The following CEP126 variants were observed in gnomAD, a reference collection of about 807,000 sequenced individuals.
CEP126 encodes the protein centrosomal protein of 126 kDa.
A neutral mutation model predicts 107.8 loss-of-function variants in CEP126; 74 were observed. That is an observed-to-expected ratio of 0.69 (90% CI 0.57 to 0.83). The LOEUF (loss-of-function observed/expected upper bound fraction) is 0.83, where lower values mean the gene tolerates loss of function less well. CEP126 is among the 40% of genes least tolerant of loss of function. The probability of loss-of-function intolerance (pLI) is 0.00; values close to 1 mark genes in which losing one functional copy is unlikely to be tolerated. For synonymous variants in CEP126, 449 were observed against 446.0 expected (o/e 1.01, Z -0.08); for missense variants, 1,237 against 1,281.9 (o/e 0.96, Z 0.53).
At position 101,995,993 on chromosome 11, in the gene CEP126, AAAG is replaced by A. The variant is rs1209406476; in HGVS notation, c.3310-1599_3310-1597del. Among the ~76,000 whole-genome samples, 5 of 152,346 alleles carry A rather than the reference AAAG, an allele frequency of 3.3e-5. No homozygotes were observed. The East Asian group carries it at 7.7e-4, about 24-fold the overall frequency. ...TTCTCAGTTAGAAATTTTGGCCACAAAAGAAGAAGGCAGAAGTGGTCAGAAGCC... is the reference window on the plus strand; with the variant it reads ...TTCTCAGTTAGAAATTTTGGCCACAAAAGAAGGCAGAAGTGGTCAGAAGCC... On this transcript the variant is annotated intron_variant, in intron 10 of 10. Coordinates refer to ENST00000263468, the MANE Select transcript of CEP126 (RefSeq NM_020802.4).
chr11:101,935,100 G>A (rs951302678), intron 2 of CEP126, among the ~76,000 whole-genome samples: 3 of 151,778 alleles, frequency 2.0e-5, no homozygotes, highest in African/African-American at 7.3e-5. Flanking sequence ...AATAAATTGA[G>A]TTTAGTTTTC....
intron 1 of CEP126, among the ~76,000 whole-genome samples, chr11:101,917,738 C>A (rs1940248963): frequency 6.6e-6 from 1 of 152,050 alleles, no homozygotes; most frequent in African/African-American, 2.4e-5. Context: ...CCAGTTTATA[C>A]CCTATTCTTA....
intron 10 of CEP126, among the ~76,000 whole-genome samples, chr11:101,995,664 T>C (rs558741687): frequency 6.6e-6 from 1 of 152,328 alleles, no homozygotes; most frequent in African/African-American, 2.4e-5. Flanking sequence ...CCATTGACAG[T>C]ACTGGACATA....
intron 1 of CEP126, among the ~76,000 whole-genome samples, chr11:101,916,782 A>AT (rs1452601184): frequency 6.6e-6 from 1 of 152,130 alleles, no homozygotes; most frequent in Non-Finnish European, 1.5e-5. Context: ...TGTAGGCCTC[A>AT]TTTTTTAAAT....
At chr11:101,973,703 AG>A (rs1416626506) in intron 6 of CEP126, among the ~76,000 whole-genome samples, 1 of 152,238 alleles carries the variant, frequency 6.6e-6, no homozygotes, top group Non-Finnish European at 1.5e-5. Context: ...TTTAATAAAA[AG>A]GCATAGAAAA....
At chr11:101,972,420 C>T (rs1206217341) in intron 6 of CEP126, among the ~76,000 whole-genome samples, 2 of 151,632 alleles carry the variant, frequency 1.3e-5, no homozygotes, top group Non-Finnish European at 2.9e-5. Flanking sequence ...AGCGAGACTC[C>T]GTCTCAAAAA....
intron 1 of CEP126, among the ~76,000 whole-genome samples, chr11:101,921,548 A>G (rs1298344649): frequency 6.6e-6 from 1 of 151,698 alleles, no homozygotes; most frequent in East Asian, 2.0e-4. Context: ...CTCTACTGAC[A>G]ATACAAAAAT....
chr11:101,980,480 A>C (rs1343046931), intron 7 of CEP126, among the ~76,000 whole-genome samples: 1 of 152,090 alleles, frequency 6.6e-6, no homozygotes, highest in Non-Finnish European at 1.5e-5. Flanking sequence ...TGCATGCTTA[A>C]TGTATTTAGA....
intron 1 of CEP126, among the ~76,000 whole-genome samples, chr11:101,920,486 C>A (rs1940306043): frequency 6.6e-6 from 1 of 150,846 alleles, no homozygotes; most frequent in African/African-American, 2.4e-5. Context: ...TTTAAACAAG[C>A]TGTTTGTTCT....
chr11:101,950,630 T>C (rs1211312231), intron 4 of CEP126, among the ~76,000 whole-genome samples: 3 of 152,216 alleles, frequency 2.0e-5, no homozygotes, highest in East Asian at 1.9e-4. Context: ...AGGTAGAAGG[T>C]AGTCTTAAAG....
At chr11:101,922,498 T>A in intron 1 of CEP126, 143 bp from the exon 2 acceptor site, 1 of 647,526 alleles carries the variant, frequency 1.5e-6, no homozygotes, top group Middle Eastern at 4.2e-4. Context: ...GCCAGTCATA[T>A]ACTAATGTGG....
chr11:101,968,376 A>G (rs1941084518), intron 6 of CEP126, among the ~76,000 whole-genome samples: 1 of 152,206 alleles, frequency 6.6e-6, no homozygotes, highest in Admixed American at 6.5e-5. Context: ...AAACTTAAAT[A>G]TATAAGTTAA....
At chr11:101,964,715 T>A (rs1005225286) in intron 6 of CEP126, among the ~76,000 whole-genome samples, 1 of 152,102 alleles carries the variant, frequency 6.6e-6, no homozygotes, top group African/African-American at 2.4e-5. Context: ...AGTGCTCAAC[T>A]GAAATTAGAA....
At chr11:101,986,798 G>T in intron 8 of CEP126, 34 bp from the exon 9 acceptor site, 1 of 1,521,710 alleles carries the variant, frequency 6.6e-7, no homozygotes, top group South Asian at 1.1e-5. Context: ...AAGACAAAAG[G>T]GGTTCAAAGA....
chr11:101,924,987 C>A (rs1489691604), intron 2 of CEP126, among the ~76,000 whole-genome samples: 2 of 152,114 alleles, frequency 1.3e-5, no homozygotes, highest in Admixed American at 6.5e-5. Flanking sequence ...GCTTTTATCA[C>A]ATCCTCAAGT....
At chr11:101,932,321 C>T (rs2137086430) in intron 2 of CEP126, among the ~76,000 whole-genome samples, 1 of 152,252 alleles carries the variant, frequency 6.6e-6, no homozygotes, top group Non-Finnish European at 1.5e-5. Context: ...GACACTCCAT[C>T]CCTGATTTAG....
intron 6 of CEP126, among the ~76,000 whole-genome samples, chr11:101,967,141 A>C (rs77702502): frequency 0.015 from 2,117 of 145,426 alleles, 19 homozygotes; most frequent in Non-Finnish European, 0.021. Flanking sequence ...CAATGCTCCC[A>C]TCTCAACCTT....
intron 9 of CEP126, among the ~76,000 whole-genome samples, 192 bp from the exon 10 acceptor site, chr11:101,992,586 T>G (rs1174366360): frequency 6.6e-6 from 1 of 152,182 alleles, no homozygotes; most frequent in African/African-American, 2.4e-5. Context: ...TGTAATTATT[T>G]CTAATCAAAT....
At chr11:101,973,030 T>C (rs778862391) in intron 6 of CEP126, among the ~76,000 whole-genome samples, 8 of 152,226 alleles carry the variant, frequency 5.3e-5, no homozygotes, top group Non-Finnish European at 1.2e-4. Flanking sequence ...ATTATATGAA[T>C]GTTCAAACAA....
Sources: allele counts gnomAD v4.1 joint callset (sites outside exome capture counted in the v4.1 genomes callset), GRCh38; gene constraint gnomAD v4.1.1; transcripts MANE v1.5; gene names NCBI Gene and HGNC (gene_info 2026-07-23, HGNC 2026-07-21).